DIXDC1: variants seen among roughly 807,000 people sequenced by gnomAD.
The protein encoded by DIXDC1 is DIX domain containing 1, also known as dixin.
A neutral mutation model predicts 103.1 loss-of-function variants in DIXDC1; 64 were observed. The observed-to-expected ratio is 0.62, with a 90% CI of 0.51 to 0.76. The LOEUF is 0.76. Among genes scored for constraint, DIXDC1 ranks in the 30% least tolerant of loss-of-function variants. The pLI is 0.00. For missense variants in DIXDC1, 759 were observed against 834.2 expected (o/e 0.91, Z 1.11); for synonymous variants, 266 against 298.5 (o/e 0.89, Z 1.12).
At chr11:111,990,125 C>G (rs1860654427) in intron 10 of DIXDC1, among the ~76,000 whole-genome samples, 1 of 139,272 alleles carries the variant, frequency 7.2e-6, no homozygotes, top group Non-Finnish European at 1.5e-5. Flanking sequence ...GAGTCTCACT[C>G]TGTCGCCCAA....
chr11:111,979,263 C>T (rs1860220626), intron 5 of DIXDC1, among the ~76,000 whole-genome samples: 1 of 152,204 alleles, frequency 6.6e-6, no homozygotes, highest in African/African-American at 2.4e-5. Flanking sequence ...TTTGACGTGC[C>T]TGGCTACCTC....
chr11:111,985,238 C>CT lies in DIXDC1; in HGVS notation c.926dup (p.Leu310AlafsTer7), dbSNP rs1860448423. The CT allele has an allele frequency of 6.2e-7, 1 of 1,613,228 alleles. No homozygotes were observed. The highest frequency in any genetic ancestry group is 8.5e-7 in the Non-Finnish European group (1 of 1,179,528). Reference sequence around the variant, plus strand: ...TGCCTTTGTGGTTATTCAGGCCTTACTGCTCAATGGATCCTTACCTGAAGA... The same window carrying CT: ...TGCCTTTGTGGTTATTCAGGCCTTACTTGCTCAATGGATCCTTACCTGAAGA... On this transcript the variant is annotated frameshift_variant, in exon 8 of 20. Transcript: ENST00000440460. LOFTEE classifies it high-confidence loss of function.
intron 1 of DIXDC1, among the ~76,000 whole-genome samples, chr11:111,945,079 A>G (rs1357737339): frequency 6.6e-6 from 1 of 152,216 alleles, no homozygotes; most frequent in Admixed American, 6.5e-5. Context: ...AAAGGCAGAA[A>G]AACTAAACCA....
chr11:111,968,279 T>C (rs587651268), intron 2 of DIXDC1, among the ~76,000 whole-genome samples: 68 of 152,340 alleles, frequency 4.5e-4, no homozygotes, highest in African/African-American at 1.6e-3. Flanking sequence ...GCTGACTGAA[T>C]AAATGTACAC....
intron 8 of DIXDC1, among the ~76,000 whole-genome samples, 173 bp downstream of exon 8, chr11:111,985,494 T>C (rs1451471455): frequency 1.3e-5 from 2 of 152,230 alleles, no homozygotes; most frequent in African/African-American, 4.8e-5. Context: ...TAAACAAATA[T>C]TTATTGAGTG....
In DIXDC1 at chr11:112,020,975, A is replaced by T. The variant is rs1251862673; in HGVS notation, c.*1939A>T. The T allele has an allele frequency of 6.6e-6, 1 of 152,236 alleles. No homozygotes were observed. The highest frequency in any genetic ancestry group is 1.5e-5 in the Non-Finnish European group (1 of 68,032). 9.4% of individuals were successfully genotyped at this position (152,236 alleles called of 1,614,324 possible). On this transcript the variant is annotated 3_prime_UTR_variant, in exon 20 of 20. Transcript: ENST00000440460. ...ATGTCACCAATTTCTCTGTTGCATG[A>T]ATTTTAGTGTTTTGCTATAAGACAG...
chr11:111,966,971 TA>T (rs1279734499), intron 2 of DIXDC1, among the ~76,000 whole-genome samples: 2 of 152,022 alleles, frequency 1.3e-5, no homozygotes, highest in African/African-American at 2.4e-5. Context: ...ACATAGTTGA[TA>T]ACGCCCTTCT....
At chr11:111,940,262 C>T (rs1966374714) in intron 1 of DIXDC1, among the ~76,000 whole-genome samples, 1 of 152,230 alleles carries the variant, frequency 6.6e-6, no homozygotes, top group Admixed American at 6.5e-5. Context: ...ACATGTCTGG[C>T]AAATAACTCA....
intron 17 of DIXDC1, among the ~76,000 whole-genome samples, chr11:112,002,883 C>A (rs1861113080): frequency 6.6e-6 from 1 of 152,126 alleles, no homozygotes; most frequent in Admixed American, 6.6e-5. Flanking sequence ...TATATATATG[C>A]AAAGGAATAT....
chr11:111,975,700 C>G, intron 5 of DIXDC1: 1 of 985,518 alleles, frequency 1.0e-6, no homozygotes, highest in Non-Finnish European at 1.2e-6. Context: ...GCTCTAATGA[C>G]CTTTTCTTTC....
In DIXDC1 at chr11:111,988,990, A is replaced by G; in HGVS notation, c.1063-15A>G. On this transcript the variant is annotated splice_polypyrimidine_tract_variant and intron_variant, in intron 9 of 19. Coordinates refer to ENST00000440460, the MANE Select transcript of DIXDC1 (RefSeq NM_001037954.4). The stretch of plus-strand genomic sequence containing the variant: ...CCAGATGTCACCATCTGATCTAACT[A>G]TATTTGGTTTGCAGAAGGAACTGCT... 1.2e-6 allele frequency: 2 copies of G among 1,608,992 alleles called. No individual in the cohort carries two copies. Among genetic ancestry groups the G allele is most frequent in the Non-Finnish European group, 8.5e-7 (1 of 1,177,610 alleles).
chr11:112,015,366 G>C (rs1047865921), intron 17 of DIXDC1: 3 of 152,182 alleles, frequency 2.0e-5, no homozygotes, highest in Admixed American at 2.0e-4. Flanking sequence ...AAGTTAAGAG[G>C]AAGATCAGTA....
intron 17 of DIXDC1, 172 bp downstream of exon 17, chr11:111,996,318 T>C (rs1860897698): frequency 5.5e-6 from 3 of 545,110 alleles, no homozygotes; most frequent in Non-Finnish European, 9.4e-6. Context: ...TGAAGACATA[T>C]GCCATCACCA....
At chr11:111,943,522 C>T (rs587752424) in intron 1 of DIXDC1, among the ~76,000 whole-genome samples, 24 of 115,786 alleles carry the variant, frequency 2.1e-4, no homozygotes, top group Admixed American at 4.4e-4. Context: ...TTTTTTGAGA[C>T]GGAGGCTTGC....
At position 111,968,568 on chromosome 11, in the gene DIXDC1, G is replaced by A. The variant is rs1555171787; in HGVS notation, c.246G>A (p.Lys82=). The A allele has an allele frequency of 1.2e-6, 2 of 1,612,848 alleles. No homozygotes were observed. Among genetic ancestry groups the A allele is most frequent in the Non-Finnish European group, 1.7e-6 (2 of 1,179,450 alleles). Residue 82 remains lysine, a synonymous_variant, in exon 3 of 20, where the codon AAG becomes AAA. Coordinates refer to ENST00000440460, the MANE Select transcript of DIXDC1 (RefSeq NM_001037954.4). ...GTCCCGGTAACCAACAGGAGATGAAGAATAATGTGGAGAAAGTGCTACAGT... is the reference window on the plus strand; with the variant it reads ...GTCCCGGTAACCAACAGGAGATGAAAAATAATGTGGAGAAAGTGCTACAGT... ...QLSPGNQQEM[K]NNVEKVLQFV... is the part of the protein sequence containing the mutation.
chr11:111,977,670 C>T lies in DIXDC1; in HGVS notation c.656+2687C>T. 1 of 1,546,504 alleles carries T rather than the reference C, an allele frequency of 6.5e-7. No homozygotes were observed. The highest frequency in any genetic ancestry group is 8.7e-7 in the Non-Finnish European group (1 of 1,144,572). ...TTCCCGTGGAGGCGTTTTCCAGCCC[C>T]AGCGCGGGGAGACATGCCTGAATTT... is the stretch of plus-strand genomic sequence containing the variant. On this transcript the variant is annotated intron_variant, in intron 5 of 19. Transcript: ENST00000440460. This position sits in a 1 kb window ranked among gnomAD's most constrained non-coding sequence, Gnocchi z 6.1.
intron 1 of DIXDC1, among the ~76,000 whole-genome samples, chr11:111,940,010 G>A (rs909176800): frequency 6.6e-6 from 1 of 152,154 alleles, no homozygotes; most frequent in Non-Finnish European, 1.5e-5. Context: ...TGCCTTATAG[G>A]TCTGTGTAGT....
At chr11:112,011,997 T>C (rs782093108) in intron 17 of DIXDC1, among the ~76,000 whole-genome samples, 11 of 152,256 alleles carry the variant, frequency 7.2e-5, no homozygotes, top group African/African-American at 2.6e-4. Context: ...AAATCTTAGG[T>C]ATAAACTTCA....
intron 8 of DIXDC1, among the ~76,000 whole-genome samples, chr11:111,985,723 T>G (rs1860467338): frequency 6.6e-6 from 1 of 152,110 alleles, no homozygotes; most frequent in Non-Finnish European, 1.5e-5. Flanking sequence ...AGTTCTTCAC[T>G]CACTTCCCTC....
Sources: allele counts gnomAD v4.1 joint callset (sites outside exome capture counted in the v4.1 genomes callset), GRCh38; gene constraint gnomAD v4.1.1; non-coding constraint Gnocchi (gnomAD v3.1); transcripts MANE v1.5; gene names NCBI Gene and HGNC (gene_info 2026-07-23, HGNC 2026-07-21).